Variants in AFAP1 observed in about 807,000 individuals in gnomAD.
AFAP1 encodes actin filament-associated protein 1.
AFAP1 carries 75 observed loss-of-function variants against 93.9 expected under a neutral mutation model. The ratio of observed to expected loss-of-function variants is 0.80; its 90% CI spans 0.66 to 0.97. The LOEUF is 0.97. Among genes scored for constraint, AFAP1 ranks in the 50% least tolerant of loss-of-function variants. The pLI, the probability that AFAP1 is intolerant of heterozygous loss-of-function variation, is 0.00. For missense variants in AFAP1, 1,201 were observed against 1,050.8 expected, an observed-to-expected ratio of 1.14 and a Z score of -1.98; for synonymous variants, 517 against 430.7, an observed-to-expected ratio of 1.20 and a Z score of -2.48.
intron 3 of AFAP1, among the ~76,000 whole-genome samples, chr4:7,863,736 T>TA (rs982727925): frequency 5.9e-5 from 9 of 152,146 alleles, no homozygotes; most frequent in African/African-American, 2.2e-4. Flanking sequence ...GAAGCACTAT[T>TA]AGACACTAAA....
intron 16 of AFAP1, among the ~76,000 whole-genome samples, chr4:7,770,834 C>T (rs966002747): frequency 5.3e-5 from 8 of 152,130 alleles, no homozygotes; most frequent in Admixed American, 2.0e-4. Context: ...AGACAAGCAG[C>T]GTGGGGGACT....
chr4:7,844,097 A>G (rs1035481363), intron 4 of AFAP1, among the ~76,000 whole-genome samples: 3 of 152,164 alleles, frequency 2.0e-5, no homozygotes, highest in African/African-American at 4.8e-5. Context: ...TGACACCTCC[A>G]GCAAACCCTC....
intron 1 of AFAP1, among the ~76,000 whole-genome samples, chr4:7,917,072 T>C (rs1301505821): frequency 6.6e-6 from 1 of 152,262 alleles, no homozygotes; most frequent in East Asian, 1.9e-4. Flanking sequence ...ACTGCAATTC[T>C]ATCATTTGCA....
chr4:7,824,280 G>A (rs577421340), intron 6 of AFAP1, among the ~76,000 whole-genome samples: 47 of 152,270 alleles, frequency 3.1e-4, no homozygotes, highest in Non-Finnish European at 5.1e-4. Context: ...GTGGTATTTT[G>A]TTTGCTTTTA....
At chr4:7,816,604 G>A (rs1315142536) in intron 7 of AFAP1, among the ~76,000 whole-genome samples, 1 of 152,168 alleles carries the variant, frequency 6.6e-6, no homozygotes, top group Non-Finnish European at 1.5e-5. Flanking sequence ...GGAGGGGGAT[G>A]GGGGACTGTC....
At chr4:7,855,877 A>C (rs970822056) in intron 3 of AFAP1, among the ~76,000 whole-genome samples, 1 of 152,194 alleles carries the variant, frequency 6.6e-6, no homozygotes, top group Non-Finnish European at 1.5e-5. Context: ...TCCCCCACGC[A>C]GGACTGGGCC....
chr4:7,899,078 A>C (rs1250495890), intron 1 of AFAP1, among the ~76,000 whole-genome samples: 1 of 151,844 alleles, frequency 6.6e-6, no homozygotes, highest in African/African-American at 2.4e-5. Context: ...AACGAGTTCT[A>C]AACTTAGTGG....
At chr4:7,810,099 G>C (rs767566167) in intron 8 of AFAP1, among the ~76,000 whole-genome samples, 1 of 152,180 alleles carries the variant, frequency 6.6e-6, no homozygotes, top group Non-Finnish European at 1.5e-5. Flanking sequence ...CTGGACTCAA[G>C]TGATCCACCC....
At chr4:7,814,422 T>C (rs2149060985) in intron 8 of AFAP1, among the ~76,000 whole-genome samples, 1 of 152,246 alleles carries the variant, frequency 6.6e-6, no homozygotes. Flanking sequence ...TCCTAGGTAT[T>C]TACCCGAGGG....
intron 6 of AFAP1, among the ~76,000 whole-genome samples, chr4:7,821,124 A>G (rs565723916): frequency 3.3e-5 from 5 of 152,232 alleles, no homozygotes; most frequent in Admixed American, 1.3e-4. Context: ...ATCTCCAAAA[A>G]TATATATATA....
rs577664850 is a variant in AFAP1 at position 7,851,070 on chromosome 4, C to T, written c.334+4396G>A. On this transcript the variant is annotated intron_variant, in intron 4 of 17. Transcript: ENST00000420658. Reference sequence around the variant, plus strand: ...ACTGCTCCGCAGGTTGGTATGGACACTCTGGCAGGCTCACCCAGGCAAGGC... The same window carrying T: ...ACTGCTCCGCAGGTTGGTATGGACATTCTGGCAGGCTCACCCAGGCAAGGC... Among the ~76,000 whole-genome samples the T allele has an allele frequency of 2.0e-5, 3 of 152,336 alleles. No homozygotes were observed. In the South Asian group the frequency reaches 6.2e-4, roughly 32 times the overall value.
Position 7,778,934 on chromosome 4 carries a change from G to T in AFAP1, c.1783-58C>A. On this transcript the variant is annotated intron_variant, in intron 13 of 17. Coordinates refer to ENST00000420658, the MANE Select transcript of AFAP1 (RefSeq NM_001134647.2). The stretch of plus-strand genomic sequence containing the variant: ...TAAACACAAAGTCAAACAAATCTTG[G>T]TCTTTTTTTTTTCTGGAGTCATTTC... The T allele has an allele frequency of 5.3e-6, 7 of 1,324,314 alleles. No homozygotes were observed. The South Asian group carries it at 5.4e-5, about 10-fold the overall frequency. The allele number at this position is 1,324,314 out of a possible 1,614,324, so 82.0% of individuals were successfully genotyped here. A position where few individuals can be genotyped will look rare whatever the true frequency, so the allele number is the denominator to read the frequency against.
chr4:7,909,849 C>T (rs1434380927), intron 1 of AFAP1, among the ~76,000 whole-genome samples: 1 of 152,134 alleles, frequency 6.6e-6, no homozygotes, highest in African/African-American at 2.4e-5. Flanking sequence ...TCACAGCCCC[C>T]CAGATGCAGC....
intron 16 of AFAP1, among the ~76,000 whole-genome samples, chr4:7,771,209 T>C (rs889044114): frequency 6.6e-6 from 1 of 152,222 alleles, no homozygotes; most frequent in African/African-American, 2.4e-5. Context: ...TGGAACAGTT[T>C]GTAGCACACA....
chr4:7,786,702 A>T (rs1453727088), intron 11 of AFAP1, among the ~76,000 whole-genome samples: 1 of 152,204 alleles, frequency 6.6e-6, no homozygotes, highest in Admixed American at 6.5e-5. Context: ...TTTGATTATC[A>T]TCCGTCTTTC....
At chr4:7,867,497 T>C (rs1250928088) in intron 3 of AFAP1, among the ~76,000 whole-genome samples, 1 of 152,094 alleles carries the variant, frequency 6.6e-6, no homozygotes, top group East Asian at 1.9e-4. Context: ...CTAACAGTCT[T>C]CTCCTGTCTG....
At chr4:7,774,495 T>G (rs937084334) in intron 15 of AFAP1, 3 of 512,056 alleles carry the variant, frequency 5.9e-6, no homozygotes, top group Non-Finnish European at 9.9e-6. Context: ...CTCCCCTGCC[T>G]CGGTGAGCAG....
intron 4 of AFAP1, among the ~76,000 whole-genome samples, chr4:7,849,917 T>C (rs1334489424): frequency 6.6e-6 from 1 of 152,236 alleles, no homozygotes; most frequent in Admixed American, 6.5e-5. Context: ...TTCTCCACTC[T>C]TTCATGCTGC....
At chr4:7,902,423 T>A (rs1361709864) in intron 1 of AFAP1, among the ~76,000 whole-genome samples, 1 of 152,202 alleles carries the variant, frequency 6.6e-6, no homozygotes. Context: ...CTAATCAGAT[T>A]TGAGTGGTCC....
Sources: allele counts gnomAD v4.1 joint callset (sites outside exome capture counted in the v4.1 genomes callset), GRCh38; gene constraint gnomAD v4.1.1; transcripts MANE v1.5; gene names NCBI Gene and HGNC (gene_info 2026-07-23, HGNC 2026-07-21).